FRMD4B: variants seen among roughly 807,000 people sequenced by gnomAD.
The protein encoded by FRMD4B is FERM domain-containing protein 4B.
FRMD4B carries 74 observed loss-of-function variants against 141.5 expected under a neutral mutation model. That is an observed-to-expected ratio of 0.52 (90% confidence interval 0.43 to 0.63). The LOEUF is 0.63. Ranked by LOEUF, FRMD4B falls within the 30% of genes least tolerant of loss-of-function variation. The probability of loss-of-function intolerance (pLI) is 0.00; values close to 1 mark genes in which losing one functional copy is unlikely to be tolerated. For missense variants in FRMD4B, 1,366 were observed against 1,253.4 expected (o/e 1.09, Z -1.36); for synonymous variants, 506 against 467.9 (o/e 1.08, Z -1.05).
chr3:69,514,992 T>C (rs1384734931), intron 1 of FRMD4B, among the ~76,000 whole-genome samples: 1 of 152,166 alleles, frequency 6.6e-6, no homozygotes, highest in Non-Finnish European at 1.5e-5. Context: ...ATCAAAGCTA[T>C]GTGGTACTGG....
chr3:69,374,397 T>C (rs1312925728), intron 1 of FRMD4B, among the ~76,000 whole-genome samples: 1 of 152,202 alleles, frequency 6.6e-6, no homozygotes, highest in Non-Finnish European at 1.5e-5. Flanking sequence ...GTAATAAGCA[T>C]CTAATCGAAT....
chr3:69,267,595 G>GTATA, intron 5 of FRMD4B, among the ~76,000 whole-genome samples: 1 of 98,190 alleles, frequency 1.0e-5, no homozygotes, highest in Non-Finnish European at 1.9e-5. Flanking sequence ...GTGTGTGTGT[G>GTATA]TATATATATA....
chr3:69,236,228 GTT>G (rs545415221), intron 7 of FRMD4B, among the ~76,000 whole-genome samples: 3 of 139,684 alleles, frequency 2.1e-5, no homozygotes, highest in Admixed American at 7.2e-5. Flanking sequence ...TATTGTTTTG[GTT>G]TTTTTTTTTT....
At position 69,457,041 on chromosome 3, in the gene FRMD4B, CGT is replaced by C. The variant is rs532828341; in HGVS notation, c.-128-24282_-128-24281del. On this transcript the variant is annotated intron_variant, in intron 1 of 5. Transcript: ENST00000459638. ...TCTAATTCACATACACACACACAAA[CGT>C]GTGTGTGTGTGTGTATATTTAACAA... 1.1e-4 allele frequency among the ~76,000 whole-genome samples: 16 copies of C among 151,108 alleles called. No individual in the cohort carries two copies. The East Asian group carries it at 1.2e-3, about 11-fold the overall frequency.
intron 1 of FRMD4B, among the ~76,000 whole-genome samples, chr3:69,493,887 G>A (rs1164840497): frequency 6.6e-6 from 1 of 152,130 alleles, no homozygotes; most frequent in East Asian, 1.9e-4. Flanking sequence ...GGGACCCCAA[G>A]CATATAGTAG....
chr3:69,510,944 C>T (rs1016847141), intron 1 of FRMD4B, among the ~76,000 whole-genome samples: 1 of 152,186 alleles, frequency 6.6e-6, no homozygotes, highest in African/African-American at 2.4e-5. Flanking sequence ...ATAAATCTAA[C>T]CATTTTTTCC....
chr3:69,345,930 C>T (rs928602193), intron 1 of FRMD4B, among the ~76,000 whole-genome samples: 1 of 152,118 alleles, frequency 6.6e-6, no homozygotes. Flanking sequence ...AGCGCCTCCC[C>T]ACCTCCAAAG....
At chr3:69,458,420 G>GAC (rs1422213844) in intron 1 of FRMD4B, among the ~76,000 whole-genome samples, 2 of 152,194 alleles carry the variant, frequency 1.3e-5, no homozygotes, top group Non-Finnish European at 2.9e-5. Flanking sequence ...AGTCTAGTCT[G>GAC]AGATTTAGCA....
intron 1 of FRMD4B, among the ~76,000 whole-genome samples, chr3:69,461,721 C>A (rs1047557715): frequency 6.6e-6 from 1 of 151,202 alleles, no homozygotes; most frequent in Non-Finnish European, 1.5e-5. Context: ...AATATTTGGC[C>A]CAGGCTAGGA....
At chr3:69,297,907 G>A (rs957040476) in intron 4 of FRMD4B, among the ~76,000 whole-genome samples, 1 of 112,346 alleles carries the variant, frequency 8.9e-6, no homozygotes, top group Non-Finnish European at 1.9e-5. Flanking sequence ...ACCTCTTTGA[G>A]ATTTTATAAC....
At chr3:69,492,555 T>C (rs181913354) in intron 1 of FRMD4B, among the ~76,000 whole-genome samples, 2 of 152,292 alleles carry the variant, frequency 1.3e-5, no homozygotes, top group African/African-American at 4.8e-5. Context: ...CAAATATACA[T>C]TCTTGGAGGA....
intron 1 of FRMD4B, among the ~76,000 whole-genome samples, chr3:69,313,994 C>CCGGGCGTGG (rs1342807395): frequency 6.8e-6 from 1 of 147,484 alleles, no homozygotes; most frequent in African/African-American, 2.5e-5. Context: ...AAAAAATTAG[C>CCGGGCGTGG]CGGGCGTGGT....
intron 1 of FRMD4B, among the ~76,000 whole-genome samples, chr3:69,359,196 TAAGA>T (rs1703405447): frequency 6.6e-6 from 1 of 151,496 alleles, no homozygotes; most frequent in Non-Finnish European, 1.5e-5. Context: ...CAGACAAGAG[TAAGA>T]CTTAGGAGGA....
intron 11 of FRMD4B, among the ~76,000 whole-genome samples, chr3:69,215,359 C>T (rs2093130711): frequency 8.3e-6 from 1 of 120,980 alleles, no homozygotes; most frequent in South Asian, 2.9e-4. Flanking sequence ...GTGGCACAAT[C>T]TTGTCTCACT....
chr3:69,363,186 G>C (rs1559830321), intron 1 of FRMD4B, among the ~76,000 whole-genome samples: 1 of 150,100 alleles, frequency 6.7e-6, no homozygotes, highest in Non-Finnish European at 1.5e-5. Flanking sequence ...TTGCAATATA[G>C]CTGCCATCCT....
chr3:69,495,370 A>C (rs1706367041), intron 1 of FRMD4B, among the ~76,000 whole-genome samples: 1 of 152,252 alleles, frequency 6.6e-6, no homozygotes, highest in African/African-American at 2.4e-5. Context: ...AAGATAATCC[A>C]AACCCCCTTT....
chr3:69,527,845 C>T (rs532819298), intron 1 of FRMD4B, among the ~76,000 whole-genome samples: 1 of 152,298 alleles, frequency 6.6e-6, no homozygotes, highest in African/African-American at 2.4e-5. Flanking sequence ...TCTCCTTAGG[C>T]AGGTCAAAAC....
chr3:69,321,865 C>T (rs1246526520), intron 1 of FRMD4B, among the ~76,000 whole-genome samples: 1 of 152,140 alleles, frequency 6.6e-6, no homozygotes, highest in Non-Finnish European at 1.5e-5. Flanking sequence ...TAGGCAAGTG[C>T]CACCACACCT....
chr3:69,170,865 A>C lies in FRMD4B; in HGVS notation c.*996T>G, dbSNP rs768822484. The C allele has an allele frequency of 1.3e-5, 2 of 152,146 alleles. No individual in the cohort carries two copies. The highest frequency in any genetic ancestry group is 2.4e-5 in the African/African-American group (1 of 41,426). The allele number at this position is 152,146 out of a possible 1,614,324, so 9.4% of individuals were successfully genotyped here. A position where few individuals can be genotyped will look rare whatever the true frequency, so the allele number is the denominator to read the frequency against. Reference sequence around the variant, plus strand: ...CTTGGTGACTTGGAACTACTTGTGGAATCCAGACTTGTTTAATTTTCTAAC... The same window carrying C: ...CTTGGTGACTTGGAACTACTTGTGGCATCCAGACTTGTTTAATTTTCTAAC... On this transcript the variant is annotated 3_prime_UTR_variant, in exon 23 of 23. Transcript: ENST00000398540.
Sources: allele counts gnomAD v4.1 joint callset (sites outside exome capture counted in the v4.1 genomes callset), GRCh38; gene constraint gnomAD v4.1.1; transcripts MANE v1.5; gene names NCBI Gene and HGNC (gene_info 2026-07-23, HGNC 2026-07-21).